SCN9A: variants seen among roughly 807,000 people sequenced by gnomAD.
SCN9A encodes sodium channel protein type 9 subunit alpha.
A neutral mutation model predicts 187.0 loss-of-function variants in SCN9A; 131 were observed. The ratio of observed to expected loss-of-function variants is 0.70; its 90% CI spans 0.61 to 0.81. The LOEUF (loss-of-function observed/expected upper bound fraction) is 0.81. Among genes scored for constraint, SCN9A ranks in the 30% least tolerant of loss-of-function variants. SCN9A has a pLI of 0.00. For synonymous variants in SCN9A, 809 were observed against 808.6 expected, an observed-to-expected ratio of 1.00 and a Z score of -0.01; for missense variants, 2,252 against 2,396.6, an observed-to-expected ratio of 0.94 and a Z score of 1.26.
At chr2:166,224,469 A>G (rs7600169) in intron 24 of SCN9A, among the ~76,000 whole-genome samples, 136,006 of 152,112 alleles carry the variant, frequency 0.89, 60,839 homozygotes, top group East Asian at 0.95. Flanking sequence ...GCCAGTACCC[A>G]AAATTATTAT....
Position 166,196,889 on chromosome 2 carries a change from A to T in SCN9A, c.*1783T>A, listed in dbSNP as rs914749816. ...TACGTAGATTAGGACAAATGTCTCAAAGTAATAACGGATGTTGTAAAATAT... is the reference window on the plus strand; with the variant it reads ...TACGTAGATTAGGACAAATGTCTCATAGTAATAACGGATGTTGTAAAATAT... On this transcript the variant is annotated 3_prime_UTR_variant, in exon 27 of 27. Coordinates refer to ENST00000642356, the MANE Select transcript of SCN9A (RefSeq NM_001365536.1). 4 of 152,132 alleles carry T rather than the reference A, an allele frequency of 2.6e-5. No homozygotes were observed. The highest frequency in any genetic ancestry group is 5.9e-5 in the Non-Finnish European group (4 of 67,964). The allele number at this position is 152,132 out of a possible 1,614,324, so 9.4% of individuals were successfully genotyped here. A position where few individuals can be genotyped will look rare whatever the true frequency, so the allele number is the denominator to read the frequency against.
At chr2:166,358,394 T>TTAGTTTGCA (rs1294269058) in intron 1 of SCN9A, among the ~76,000 whole-genome samples, 1 of 152,102 alleles carries the variant, frequency 6.6e-6, no homozygotes, top group South Asian at 2.1e-4. Context: ...TCTTATCATT[T>TTAGTTTGCA]TAGTTTGCAT....
intron 8 of SCN9A, among the ~76,000 whole-genome samples, chr2:166,294,304 T>C (rs4387806): frequency 0.75 from 114,362 of 152,026 alleles, 44,062 homozygotes; most frequent in African/African-American, 0.93. Flanking sequence ...AGACCTGAAA[T>C]TATCCAACCA....
chr2:166,291,108 G>A (rs1319225617), intron 9 of SCN9A, among the ~76,000 whole-genome samples: 1 of 152,088 alleles, frequency 6.6e-6, no homozygotes, highest in Non-Finnish European at 1.5e-5. Context: ...AAGAAATAAA[G>A]GGTATTCAAA....
At chr2:166,270,979 G>A (rs541019792) in intron 17 of SCN9A, among the ~76,000 whole-genome samples, 1 of 152,058 alleles carries the variant, frequency 6.6e-6, no homozygotes, top group South Asian at 2.1e-4. Context: ...AAAGTAATTT[G>A]TAATACGGTT....
At chr2:166,230,192 C>T (rs1050840528) in intron 21 of SCN9A, among the ~76,000 whole-genome samples, 2 of 152,084 alleles carry the variant, frequency 1.3e-5, no homozygotes, top group Admixed American at 6.5e-5. Context: ...AACATTTTTA[C>T]AAAAACAGGC....
intron 1 of SCN9A, among the ~76,000 whole-genome samples, chr2:166,367,002 A>G (rs6721003): frequency 0.59 from 89,081 of 152,032 alleles, 27,725 homozygotes; most frequent in African/African-American, 0.8. Context: ...TTGAGTCTTC[A>G]TGACAATAAG....
At chr2:166,223,568 T>A (rs1309581381) in intron 24 of SCN9A, among the ~76,000 whole-genome samples, 1 of 152,188 alleles carries the variant, frequency 6.6e-6, no homozygotes, top group Non-Finnish European at 1.5e-5. Context: ...TGCCAGGGCA[T>A]GAAAGGATGG....
chr2:166,303,338 A>G (rs202180059), intron 6 of SCN9A, 36 bp from the exon 7 acceptor site: 8 of 1,534,896 alleles, frequency 5.2e-6, no homozygotes, highest in Non-Finnish European at 7.1e-6. Context: ...GTAATGACAT[A>G]AAGCCTCTGA....
chr2:166,241,528 G>A (rs757161104), intron 19 of SCN9A, among the ~76,000 whole-genome samples: 2 of 152,100 alleles, frequency 1.3e-5, no homozygotes, highest in African/African-American at 4.8e-5. Flanking sequence ...CACACTTGCA[G>A]TTCAGCAGTT....
chr2:166,327,764 T>A (rs900961581), intron 1 of SCN9A, among the ~76,000 whole-genome samples: 2 of 152,146 alleles, frequency 1.3e-5, no homozygotes, highest in African/African-American at 4.8e-5. Context: ...TATAATATAA[T>A]CTTATCAATT....
At chr2:166,303,726 A>G (rs1698658234) in intron 6 of SCN9A, among the ~76,000 whole-genome samples, 2 of 152,180 alleles carry the variant, frequency 1.3e-5, no homozygotes. Context: ...CCATGCTGAT[A>G]TTTATGATCT....
At chr2:166,336,209 T>C (rs1367694536) in intron 1 of SCN9A, among the ~76,000 whole-genome samples, 2 of 152,072 alleles carry the variant, frequency 1.3e-5, no homozygotes, top group African/African-American at 4.8e-5. Context: ...AGATTCTCAT[T>C]TGTAGAGGTA....
chr2:166,239,839 G>A (rs573601357), intron 19 of SCN9A, among the ~76,000 whole-genome samples: 1 of 152,194 alleles, frequency 6.6e-6, no homozygotes, highest in South Asian at 2.1e-4. Flanking sequence ...CTCTCTGACT[G>A]GTCCCAGAGC....
intron 17 of SCN9A, among the ~76,000 whole-genome samples, chr2:166,271,938 G>C (rs558609439): frequency 6.6e-6 from 1 of 152,146 alleles, no homozygotes; most frequent in South Asian, 2.1e-4. Context: ...GAAATGATTA[G>C]GACTGAATCT....
intron 1 of SCN9A, among the ~76,000 whole-genome samples, 165 bp from the exon 2 acceptor site, chr2:166,311,971 C>A (rs955414366): frequency 6.6e-6 from 1 of 152,040 alleles, no homozygotes; most frequent in Non-Finnish European, 1.5e-5. Context: ...AGGCAATGGG[C>A]GGGACTTATC....
Position 166,227,740 on chromosome 2 carries a change from A to C in SCN9A, c.4207-17T>G. The stretch of plus-strand genomic sequence containing the variant: ...AAAAGTTGCCTTTAAGAATAACATT[A>C]ATAGAATTTGAATGTTAAGCTCATA... On this transcript the variant is annotated splice_polypyrimidine_tract_variant and intron_variant, in intron 22 of 26. Transcript: ENST00000642356. The C allele has an allele frequency of 7.6e-7, 1 of 1,314,890 alleles. No homozygotes were observed. The highest frequency in any genetic ancestry group is 1.3e-5 in the South Asian group (1 of 79,008). The allele number at this position is 1,314,890 out of a possible 1,614,324, so 81.5% of individuals were successfully genotyped here. A position where few individuals can be genotyped will look rare whatever the true frequency, so the allele number is the denominator to read the frequency against.
intron 1 of SCN9A, among the ~76,000 whole-genome samples, chr2:166,369,710 C>G (rs962938385): frequency 6.6e-6 from 1 of 152,180 alleles, no homozygotes; most frequent in Non-Finnish European, 1.5e-5. Flanking sequence ...ACCAATAAAG[C>G]ATTTAATTCA....
chr2:166,360,219 C>CAAAAAAAAAAAAAAAAAAAAAAAAAAA (rs1251018524), intron 1 of SCN9A, among the ~76,000 whole-genome samples: 1 of 24,042 alleles, frequency 4.2e-5, no homozygotes, highest in Non-Finnish European at 7.5e-5. Flanking sequence ...AACTCTGTCT[C>CAAAAAAAAAAAAAAAAAAAAAAAAAAA]AAAAAAAAAA....
Sources: allele counts gnomAD v4.1 joint callset (sites outside exome capture counted in the v4.1 genomes callset), GRCh38; gene constraint gnomAD v4.1.1; transcripts MANE v1.5; gene names NCBI Gene and HGNC (gene_info 2026-07-23, HGNC 2026-07-21).